Variants in AGL observed in about 807,000 individuals in gnomAD.
The protein encoded by AGL is glycogen debranching enzyme.
Under a neutral mutation model 199.3 loss-of-function variants are expected in AGL, and 128 were observed. The observed-to-expected ratio is 0.64, with a 90% CI of 0.56 to 0.74. The LOEUF is 0.74. Among genes scored for constraint, AGL ranks in the 30% least tolerant of loss-of-function variants. The pLI is 0.00. For synonymous variants in AGL, 584 were observed against 594.7 expected, an observed-to-expected ratio of 0.98 and a Z score of 0.26; for missense variants, 1,809 against 1,820.8, an observed-to-expected ratio of 0.99 and a Z score of 0.12.
rs1229397880 is a variant in AGL at position 99,881,119 on chromosome 1, C to G, written c.1943C>G (p.Ser648Cys). The G allele has an allele frequency of 4.3e-6, 7 of 1,613,834 alleles. No homozygotes were observed. The highest frequency in any genetic ancestry group is 5.9e-6 in the Non-Finnish European group (7 of 1,179,962). Residue 648 changes from serine to cysteine, a missense_variant, in exon 15 of 34, where the codon TCT (serine) becomes TGT (cysteine). Coordinates refer to ENST00000361915, the MANE Select transcript of AGL (RefSeq NM_000642.3). ...YDALPSTTIV[S>C]MACCASGSTR... ...GCTCTTCCAAGTACTACAATTGTTT[C>G]TATGGCATGTTGTGCTAGTGGAAGT... is the stretch of plus-strand genomic sequence containing the variant.
chr1:99,911,234 T>C (rs1466760351), intron 28 of AGL, among the ~76,000 whole-genome samples: 1 of 152,236 alleles, frequency 6.6e-6, no homozygotes, highest in Non-Finnish European at 1.5e-5. Context: ...TTTCACTTTC[T>C]GAACCTTTTT....
intron 27 of AGL, 66 bp from the exon 28 acceptor site, chr1:99,910,646 A>T: frequency 1.2e-6 from 1 of 848,638 alleles, no homozygotes; most frequent in Non-Finnish European, 1.6e-6. Context: ...TAAATGTTTT[A>T]AAATATTTGT....
intron 10 of AGL, among the ~76,000 whole-genome samples, chr1:99,876,096 AACTCCTGACCTCAGGT>A (rs1570435207): frequency 6.6e-6 from 1 of 152,296 alleles, no homozygotes; most frequent in East Asian, 1.9e-4. Context: ...GCTGGTCTCA[AACTCCTGACCTCAGGT>A]AATCCCCCTG....
intron 27 of AGL, among the ~76,000 whole-genome samples, chr1:99,903,676 G>T (rs1036950754): frequency 5.9e-5 from 9 of 152,112 alleles, no homozygotes; most frequent in Non-Finnish European, 8.8e-5. Context: ...GGGTCAAATG[G>T]TATTTCTAGT....
In AGL at chr1:99,861,696, G is replaced by A. The variant is rs757138936; in HGVS notation, c.276G>A (p.Gln92=). ...ATCTGCAACAATCTGGTTCATTTCA[G>A]TATTATTTCCTTCAAGGGTAAGTCA... ...KLNLQQSGSF[Q]YYFLQGNEKS... is the part of the protein sequence containing the mutation. The change falls in exon 3 of 34, where the codon CAG becomes CAA. Residue 92 remains glutamine, a synonymous_variant. Coordinates refer to ENST00000361915, the MANE Select transcript of AGL (RefSeq NM_000642.3). 9 of 1,613,654 alleles carry A rather than the reference G, an allele frequency of 5.6e-6. No individual in the cohort carries two copies. Among genetic ancestry groups the A allele is most frequent in the Non-Finnish European group, 6.8e-6 (8 of 1,179,722 alleles).
rs570523317 is a variant in AGL at position 99,913,896 on chromosome 1, T to C, written c.4161+158T>C. Among the ~76,000 whole-genome samples, 3 of 152,354 alleles carry C rather than the reference T, an allele frequency of 2.0e-5. No individual in the cohort carries two copies. In the South Asian group the frequency reaches 6.2e-4, roughly 32 times the overall value. ...GTCTTTCCTAATTAATCAAGTATTATGCGTATCACTTTTAACCTGTAACAT... is the reference window on the plus strand; with the variant it reads ...GTCTTTCCTAATTAATCAAGTATTACGCGTATCACTTTTAACCTGTAACAT... On this transcript the variant is annotated intron_variant, in intron 30 of 33. Transcript: ENST00000361915.
chr1:99,880,490 AT>A, intron 13 of AGL, 141 bp from the exon 14 acceptor site: 1 of 1,007,008 alleles, frequency 9.9e-7, no homozygotes. Flanking sequence ...ACTAGTAGAC[AT>A]TTGTTTAAAT....
intron 17 of AGL, among the ~76,000 whole-genome samples, chr1:99,882,137 AAAAAAAAAAAAAAAAAAAG>A (rs1301795265): frequency 1.1e-5 from 1 of 94,758 alleles, no homozygotes; most frequent in Non-Finnish European, 2.3e-5. Context: ...ACCCTATCTC[AAAAAAAAAAAAAAAAAAAG>A]AAAGAAATTT....
chr1:99,921,560 T>A lies in AGL; in HGVS notation c.4508T>A (p.Leu1503Gln). The change falls in exon 34 of 34, where the codon CTG (leucine) becomes CAG (glutamine). Residue 1503 changes from leucine (L) to glutamine (Q), a missense_variant. Transcript: ENST00000361915. ...TCCCCTTGGAAAGGACTTCCAGAAC[T>A]GACCAATGAGAATGCCCAGTACTGT... ...ERSPWKGLPE[L>Q]TNENAQYCPF... is the part of the protein sequence containing the mutation. The A allele has an allele frequency of 2.5e-6, 4 of 1,612,988 alleles. No individual in the cohort carries two copies. The highest frequency in any genetic ancestry group is 3.4e-6 in the Non-Finnish European group (4 of 1,179,244).
rs921307074 is a variant in AGL, at chr1:99,922,973, T to C, written c.*1322T>C. 1.5e-4 allele frequency: 23 copies of C among 152,204 alleles called. No homozygotes were observed. The highest frequency in any genetic ancestry group is 5.3e-4 in the African/African-American group (22 of 41,576). The allele number at this position is 152,204 out of a possible 1,614,324, so 9.4% of individuals were successfully genotyped here. ...AGAAGAAAACCAGCAAACTAAAACT[T>C]CTGGGCAGCAAAAATATATAAATGC... On this transcript the variant is annotated 3_prime_UTR_variant, in exon 34 of 34. Transcript: ENST00000361915.
At chr1:99,899,085 A>G (rs1379497169) in intron 25 of AGL, among the ~76,000 whole-genome samples, 1 of 150,758 alleles carries the variant, frequency 6.6e-6, no homozygotes, top group East Asian at 2.4e-4. Flanking sequence ...AAACAAATAT[A>G]TATGTATATA....
rs1225426505 is a variant in AGL at position 99,900,656 on chromosome 1, C to T, written c.3383C>T (p.Ala1128Val). 37 of 1,613,784 alleles carry T rather than the reference C, an allele frequency of 2.3e-5. No individual in the cohort carries two copies. The highest frequency in any genetic ancestry group is 5.5e-5 in the South Asian group (5 of 91,074). Residue 1128 changes from alanine (A) to valine (V), a missense_variant, in exon 26 of 34, where the codon GCG (alanine) becomes GTG (valine). Transcript: ENST00000361915. ...VEARNIILAF[A>V]GTLRHGLIPN... Reference sequence around the variant, plus strand: ...TTTAGGAATATTATTTTAGCATTTGCGGGTACCCTGAGGCATGGTCTCATT... The same window carrying T: ...TTTAGGAATATTATTTTAGCATTTGTGGGTACCCTGAGGCATGGTCTCATT...
At chr1:99,872,064 A>G (rs2101117650) in intron 7 of AGL, among the ~76,000 whole-genome samples, 1 of 152,314 alleles carries the variant, frequency 6.6e-6, no homozygotes, top group South Asian at 2.1e-4. Flanking sequence ...TTAGTTGACA[A>G]TATGAATTTA....
At chr1:99,897,016 C>T (rs573768737) in intron 25 of AGL, among the ~76,000 whole-genome samples, 6 of 152,232 alleles carry the variant, frequency 3.9e-5, no homozygotes, top group African/African-American at 1.4e-4. Flanking sequence ...GGGGTTTCAC[C>T]GTGTTGGTCA....
intron 4 of AGL, among the ~76,000 whole-genome samples, chr1:99,863,062 C>T (rs1272357274): frequency 2.6e-5 from 4 of 151,998 alleles, no homozygotes; most frequent in Non-Finnish European, 4.4e-5. Flanking sequence ...GCCTCAGCCT[C>T]CTGAGTAGCT....
At chr1:99,858,406 A>G (rs1390262421) in intron 2 of AGL, among the ~76,000 whole-genome samples, 1 of 152,236 alleles carries the variant, frequency 6.6e-6, no homozygotes, top group Admixed American at 6.5e-5. Context: ...TTTTCCTGCA[A>G]AAGTTCAGAT....
intron 20 of AGL, 40 bp from the exon 21 acceptor site, chr1:99,887,938 A>T (rs1652573410): frequency 1.2e-6 from 2 of 1,610,084 alleles, no homozygotes; most frequent in African/African-American, 2.7e-5. Flanking sequence ...ACAACAAGCG[A>T]AACTTCAATA....
chr1:99,877,731 T>A lies in AGL; in HGVS notation c.1514T>A (p.Leu505His). Residue 505 changes from leucine (L) to histidine (H), a missense_variant, in exon 12 of 34, where the codon CTC becomes CAC. Leu to His is a moderately conservative substitution (Grantham distance 99). Coordinates refer to ENST00000361915, the MANE Select transcript of AGL (RefSeq NM_000642.3). ...AATAAACCAGAGGACTGTCCTTATC[T>A]CTGGGCACACATGAAAAAATACACT... ...YGNKPEDCPY[L>H]WAHMKKYTEI... 1 of 1,614,058 alleles carries A rather than the reference T, an allele frequency of 6.2e-7. No homozygotes were observed. Among genetic ancestry groups the A allele is most frequent in the Non-Finnish European group, 8.5e-7 (1 of 1,179,956 alleles).
At chr1:99,861,996 T>C (rs1054006075) in intron 3 of AGL, among the ~76,000 whole-genome samples, 1 of 152,214 alleles carries the variant, frequency 6.6e-6, no homozygotes, top group African/African-American at 2.4e-5. Flanking sequence ...TTATTACTGA[T>C]AGGTTTTAGT....
Sources: allele counts gnomAD v4.1 joint callset (sites outside exome capture counted in the v4.1 genomes callset), GRCh38; gene constraint gnomAD v4.1.1; transcripts MANE v1.5; gene names NCBI Gene and HGNC (gene_info 2026-07-23, HGNC 2026-07-21).